The following PDE3A variants were observed in gnomAD, a reference collection of about 807,000 sequenced individuals.
PDE3A encodes the protein cGMP-inhibited 3',5'-cyclic phosphodiesterase 3A.
A neutral mutation model predicts 98.3 loss-of-function variants in PDE3A; 43 were observed. The ratio of observed to expected loss-of-function variants is 0.44; its 90% CI spans 0.34 to 0.56. The LOEUF (loss-of-function observed/expected upper bound fraction) is 0.56. PDE3A is among the 20% of genes least tolerant of loss of function. The pLI, the probability that PDE3A is intolerant of heterozygous loss-of-function variation, is 0.01. For missense variants in PDE3A, 1,427 were observed against 1,440.7 expected (o/e 0.99, Z 0.15); for synonymous variants, 663 against 567.9 (o/e 1.17, Z -2.38).
At chr12:20,661,429 C>T (rs1408979120) in intron 15 of PDE3A, among the ~76,000 whole-genome samples, 1 of 152,178 alleles carries the variant, frequency 6.6e-6, no homozygotes, top group Non-Finnish European at 1.5e-5. Flanking sequence ...AACTGTTAAT[C>T]CCCAAGACAA....
Position 20,369,780 on chromosome 12 carries a change from G to A in PDE3A, c.496G>A (p.Ala166Thr), listed in dbSNP as rs778823305. The A allele has an allele frequency of 1.9e-6, 3 of 1,612,460 alleles. No individual in the cohort carries two copies. Among genetic ancestry groups the A allele is most frequent in the South Asian group, 1.1e-5 (1 of 90,994 alleles). Reference protein sequence around the residue: ...RLPLAVALLAACCGGEALVQI... With the variant: ...RLPLAVALLATCCGGEALVQI... ...GCCTCTGGCTGTCGCGCTGCTGGCCGCCTGCTGCGGGGGGGAAGCGCTCGT... is the reference window on the plus strand; with the variant it reads ...GCCTCTGGCTGTCGCGCTGCTGGCCACCTGCTGCGGGGGGGAAGCGCTCGT... Residue 166 changes from alanine to threonine, a missense_variant, in exon 1 of 16, where the codon GCC becomes ACC. Physicochemically the swap from Ala to Thr is moderately conservative, Grantham distance 58. Coordinates refer to ENST00000359062, the MANE Select transcript of PDE3A (RefSeq NM_000921.5).
intron 5 of PDE3A, among the ~76,000 whole-genome samples, chr12:20,625,923 G>C (rs963783590): frequency 1.3e-5 from 2 of 152,088 alleles, no homozygotes; most frequent in Non-Finnish European, 2.9e-5. Flanking sequence ...CATGAGCTAT[G>C]TCTTCTTCCT....
At chr12:20,400,379 GTTTTTTTTTTTTTTTTTTTTTT>G (rs75851941) in intron 1 of PDE3A, among the ~76,000 whole-genome samples, 7 of 110,290 alleles carry the variant, frequency 6.3e-5, no homozygotes, top group Non-Finnish European at 1.0e-4. Flanking sequence ...GTTAACATTG[GTTTTTTTTTTTTTTTTTTTTTT>G]TTTTTTTTTT....
At position 20,629,906 on chromosome 12, in the gene PDE3A, A is replaced by C; in HGVS notation, c.1541-2A>C. 1 of 1,609,270 alleles carries C rather than the reference A, an allele frequency of 6.2e-7. No individual in the cohort carries two copies. On this transcript the variant is annotated splice_acceptor_variant, in intron 5 of 15. Transcript: ENST00000359062. LOFTEE classifies it high-confidence loss of function. ...AGTTACTTAACTCTCATTCTTTCTC[A>C]GGTGCCCTCGCTAAAATTTCACCTC...
rs903767694 is a variant in PDE3A at position 20,680,322 on chromosome 12, C to T, written c.*51C>T. 6.3e-7 allele frequency: 1 copy of T among 1,581,772 alleles called. No homozygotes were observed. Among genetic ancestry groups the T allele is most frequent in the Non-Finnish European group, 8.6e-7 (1 of 1,157,208 alleles). On this transcript the variant is annotated 3_prime_UTR_variant, in exon 16 of 16. Coordinates refer to ENST00000359062, the MANE Select transcript of PDE3A (RefSeq NM_000921.5). The stretch of plus-strand genomic sequence containing the variant: ...CAAACAGATTGACTTGTCAAAGACT[C>T]TCTTCAAGCCAGCACAACATTTAGA...
chr12:20,409,192 T>G (rs1944289690), intron 1 of PDE3A, among the ~76,000 whole-genome samples: 1 of 152,224 alleles, frequency 6.6e-6, no homozygotes, highest in Admixed American at 6.5e-5. Flanking sequence ...AAAGTAATAT[T>G]TAATAGAGTA....
At chr12:20,575,438 C>CAATT (rs1042739735) in intron 2 of PDE3A, among the ~76,000 whole-genome samples, 1 of 151,898 alleles carries the variant, frequency 6.6e-6, no homozygotes, top group Admixed American at 6.6e-5. Flanking sequence ...ATTAAATAAA[C>CAATT]AATTACAGAA....
chr12:20,626,369 G>C (rs1433267218), intron 5 of PDE3A, among the ~76,000 whole-genome samples: 1 of 78,160 alleles, frequency 1.3e-5, no homozygotes, highest in Non-Finnish European at 2.6e-5. Flanking sequence ...AGGAAAAATA[G>C]TAGTTTGGCT....
intron 1 of PDE3A, among the ~76,000 whole-genome samples, chr12:20,445,169 G>A (rs1310829415): frequency 6.6e-6 from 1 of 152,072 alleles, no homozygotes; most frequent in East Asian, 1.9e-4. Context: ...ATGTTATACT[G>A]CTTACAGTAG....
At position 20,591,186 on chromosome 12, in the gene PDE3A, T is replaced by C. The variant is rs550678211; in HGVS notation, c.1012-22257T>C. ...CTTTTGTGTCTCAGCTACAGAAAAA[T>C]AATGTTTTGTTAATTCATCTCCTTT... On this transcript the variant is annotated intron_variant, in intron 2 of 15. Transcript: ENST00000359062. Among the ~76,000 whole-genome samples the C allele has an allele frequency of 2.0e-5, 3 of 152,220 alleles. No individual in the cohort carries two copies. The East Asian group carries it at 5.8e-4, about 29-fold the overall frequency.
At chr12:20,512,189 G>T (rs1946238943) in intron 1 of PDE3A, among the ~76,000 whole-genome samples, 1 of 151,484 alleles carries the variant, frequency 6.6e-6, no homozygotes, top group South Asian at 2.1e-4. Context: ...CGTCGCTATT[G>T]GTCCATTAGT....
At chr12:20,677,761 C>T (rs1162733820) in intron 15 of PDE3A, among the ~76,000 whole-genome samples, 2 of 152,018 alleles carry the variant, frequency 1.3e-5, no homozygotes, top group Non-Finnish European at 2.9e-5. Flanking sequence ...TATCTTTTGT[C>T]AGGGAAACTT....
At chr12:20,647,908 C>G (rs1944815247) in intron 12 of PDE3A, among the ~76,000 whole-genome samples, 2 of 151,894 alleles carry the variant, frequency 1.3e-5, no homozygotes, top group Admixed American at 1.3e-4. Context: ...TTATATACCT[C>G]TATGTTAATA....
At chr12:20,632,051 A>C (rs975536394) in intron 6 of PDE3A, among the ~76,000 whole-genome samples, 3 of 152,182 alleles carry the variant, frequency 2.0e-5, no homozygotes, top group Admixed American at 6.5e-5. Context: ...GCATATTTGA[A>C]GTACTAATTT....
Position 20,550,865 on chromosome 12 carries a change from G to A in PDE3A, c.961-5795G>A, listed in dbSNP as rs182947398. ...GCTCTATGGTATCATTTTGTATACCGTAATCTATTGAGTAATTTCCCTTTT... is the reference window on the plus strand; with the variant it reads ...GCTCTATGGTATCATTTTGTATACCATAATCTATTGAGTAATTTCCCTTTT... On this transcript the variant is annotated intron_variant, in intron 1 of 15. Transcript: ENST00000359062. 5.3e-5 allele frequency among the ~76,000 whole-genome samples: 8 copies of A among 151,934 alleles called. No homozygotes were observed. In the East Asian group the frequency reaches 9.7e-4, roughly 18 times the overall value.
Position 20,569,537 on chromosome 12 carries a change from C to A in PDE3A, c.1011+12827C>A, listed in dbSNP as rs117159760. ...AGAAGAATTGTAAAACCCATTAAGG[C>A]ATTACCCTATTTAATATTTTTATCA... On this transcript the variant is annotated intron_variant, in intron 2 of 15. Transcript: ENST00000359062. Among the ~76,000 whole-genome samples, 589 of 152,152 alleles carry A rather than the reference C, an allele frequency of 3.9e-3. 1 individual carries two copies. The highest frequency in any genetic ancestry group is 5.4e-3 in the Non-Finnish European group (366 of 67,978).
chr12:20,429,303 G>T (rs983141021), intron 1 of PDE3A, among the ~76,000 whole-genome samples: 7 of 152,140 alleles, frequency 4.6e-5, no homozygotes, highest in Non-Finnish European at 7.4e-5. Flanking sequence ...GCATACGTGG[G>T]TTTGGCTTCT....
intron 1 of PDE3A, among the ~76,000 whole-genome samples, chr12:20,497,845 T>A (rs978675704): frequency 6.6e-6 from 1 of 152,138 alleles, no homozygotes; most frequent in African/African-American, 2.4e-5. Flanking sequence ...TATTACTCTT[T>A]GCCCTGTTCT....
intron 2 of PDE3A, among the ~76,000 whole-genome samples, chr12:20,588,479 G>T (rs1445692051): frequency 6.6e-6 from 1 of 152,188 alleles, no homozygotes; most frequent in Non-Finnish European, 1.5e-5. Flanking sequence ...CTCTCCAGAA[G>T]GACTTTTCAT....
Sources: gnomAD v4.1 joint callset for allele counts (sites outside exome capture counted in the v4.1 genomes callset) on GRCh38, gnomAD v4.1.1 for gene constraint, MANE v1.5 for transcripts, NCBI Gene and HGNC (gene_info 2026-07-23, HGNC 2026-07-21) for gene names.